The following CTNNA2 variants were observed in gnomAD, a reference collection of about 807,000 sequenced individuals.
CTNNA2 encodes catenin alpha-2.
CTNNA2 carries 42 observed loss-of-function variants against 101.0 expected under a neutral mutation model. The ratio of observed to expected loss-of-function variants is 0.42; its 90% CI spans 0.32 to 0.54. The LOEUF is 0.54. CTNNA2 is among the 20% of genes least tolerant of loss of function. The pLI is 0.14. For missense variants in CTNNA2, 871 were observed against 1,223.1 expected (o/e 0.71, Z 4.29); for synonymous variants, 450 against 456.4 (o/e 0.99, Z 0.18).
chr2:80,615,720 A>G (rs555436070), intron 17 of CTNNA2, among the ~76,000 whole-genome samples: 5 of 151,652 alleles, frequency 3.3e-5, no homozygotes, highest in Non-Finnish European at 5.9e-5. Context: ...TTATTTTGTC[A>G]AGTGCTTTTT....
chr2:80,574,552 T>G (rs1573325625), intron 13 of CTNNA2, among the ~76,000 whole-genome samples: 1 of 152,310 alleles, frequency 6.6e-6, no homozygotes, highest in African/African-American at 2.4e-5. Context: ...TTGCATGCAT[T>G]ACTTCCTCAG....
Position 80,167,111 on chromosome 2 carries a change from G to A in CTNNA2, c.1057-226100G>A, listed in dbSNP as rs35409179. 4.0e-5 allele frequency among the ~76,000 whole-genome samples: 6 copies of A among 151,526 alleles called. No individual in the cohort carries two copies. The South Asian group carries it at 1.0e-3, about 26-fold the overall frequency. ...TTAGCAGGAGGAATAGGAAAAAAAAGTATATATATATATTAGTAATTGCCA... is the reference window on the plus strand; with the variant it reads ...TTAGCAGGAGGAATAGGAAAAAAAAATATATATATATATTAGTAATTGCCA... On this transcript the variant is annotated intron_variant, in intron 7 of 18. Coordinates refer to ENST00000402739, the MANE Select transcript of CTNNA2 (RefSeq NM_001282597.3).
At chr2:79,412,076 A>G in intron 4 of CTNNA2, among the ~76,000 whole-genome samples, 1 of 152,098 alleles carries the variant, frequency 6.6e-6, no homozygotes, top group Non-Finnish European at 1.5e-5. Context: ...GAAAACAAAA[A>G]AAGGCAGGGG....
intron 1 of CTNNA2, among the ~76,000 whole-genome samples, chr2:79,603,121 A>G (rs1008511939): frequency 1.3e-5 from 2 of 152,160 alleles, no homozygotes; most frequent in African/African-American, 2.4e-5. Context: ...GAACCCACAT[A>G]TAAATGAGTG....
At chr2:79,881,905 T>C (rs1229847034) in intron 6 of CTNNA2, among the ~76,000 whole-genome samples, 1 of 149,582 alleles carries the variant, frequency 6.7e-6, no homozygotes, top group Non-Finnish European at 1.5e-5. Flanking sequence ...ATAGAGTCGT[T>C]GGCCTTTATA....
intron 4 of CTNNA2, among the ~76,000 whole-genome samples, chr2:79,396,987 G>T (rs1364151501): frequency 6.6e-6 from 1 of 152,020 alleles, no homozygotes; most frequent in Non-Finnish European, 1.5e-5. Flanking sequence ...GGATTTCTGG[G>T]ACTCACTCCC....
At chr2:79,713,876 G>C (rs1218121466) in intron 2 of CTNNA2, among the ~76,000 whole-genome samples, 2 of 152,130 alleles carry the variant, frequency 1.3e-5, no homozygotes, top group Non-Finnish European at 2.9e-5. Context: ...AAGCACCCAA[G>C]AATTTAAATT....
intron 3 of CTNNA2, among the ~76,000 whole-genome samples, chr2:79,805,910 C>T (rs568535170): frequency 6.6e-6 from 1 of 151,320 alleles, no homozygotes; most frequent in Non-Finnish European, 1.5e-5. Flanking sequence ...TGCACTTCGG[C>T]CTGGGCGACA....
At chr2:80,589,586 C>A in intron 15 of CTNNA2, 101 bp downstream of exon 15, 1 of 1,095,436 alleles carries the variant, frequency 9.1e-7, no homozygotes, top group Non-Finnish European at 1.3e-6. Flanking sequence ...TAAAATATAC[C>A]AACGCAAGGT....
At chr2:79,668,036 C>T (rs1430816277) in intron 2 of CTNNA2, among the ~76,000 whole-genome samples, 1 of 149,510 alleles carries the variant, frequency 6.7e-6, no homozygotes, top group Non-Finnish European at 1.5e-5. Context: ...GTCAGGAGAT[C>T]GAGACCATCC....
At chr2:80,152,111 A>C (rs534641399) in intron 7 of CTNNA2, among the ~76,000 whole-genome samples, 1 of 152,322 alleles carries the variant, frequency 6.6e-6, no homozygotes, top group South Asian at 2.1e-4. Flanking sequence ...GTGATTGGTA[A>C]AGTTAACTGG....
At chr2:79,818,343 C>T (rs952870231) in intron 3 of CTNNA2, among the ~76,000 whole-genome samples, 5 of 151,904 alleles carry the variant, frequency 3.3e-5, no homozygotes, top group African/African-American at 7.3e-5. Context: ...GACGGAGTTT[C>T]GCTCTTTTAC....
chr2:79,731,641 C>A (rs1267476874), intron 2 of CTNNA2, among the ~76,000 whole-genome samples: 1 of 151,938 alleles, frequency 6.6e-6, no homozygotes, highest in Non-Finnish European at 1.5e-5. Context: ...ATAGAAAATT[C>A]ATTGCTAGTG....
At chr2:80,174,888 G>A (rs1322231240) in intron 7 of CTNNA2, among the ~76,000 whole-genome samples, 2 of 152,054 alleles carry the variant, frequency 1.3e-5, no homozygotes, top group Non-Finnish European at 2.9e-5. Context: ...CCACCATACA[G>A]CCTCCCAACT....
At chr2:79,743,672 T>G (rs1376769023) in intron 2 of CTNNA2, among the ~76,000 whole-genome samples, 1 of 152,020 alleles carries the variant, frequency 6.6e-6, no homozygotes, top group African/African-American at 2.4e-5. Context: ...TAGCTGCGAT[T>G]GTAGGCACCT....
rs1553421106 is a variant in CTNNA2, at chr2:79,982,340, A to ATATAACC, written c.1056+72547_1056+72548insACCTATA. On this transcript the variant is annotated intron_variant, in intron 7 of 18. Transcript: ENST00000402739. The stretch of plus-strand genomic sequence containing the variant: ...AACATATATAACACACATATAAAAC[A>ATATAACC]TATATAACCTATATAACCTATATAA... Among the ~76,000 whole-genome samples, 878 of 102,014 alleles carry ATATAACC rather than the reference A, an allele frequency of 8.6e-3. 23 individuals are homozygous for ATATAACC. Among genetic ancestry groups the ATATAACC allele is most frequent in the African/African-American group, 0.028 (808 of 29,046 alleles). The allele number at this position is 102,014 out of a possible 152,430, so 66.9% of individuals were successfully genotyped here. A position where few individuals can be genotyped will look rare whatever the true frequency, so the allele number is the denominator to read the frequency against.
chr2:79,966,811 T>G (rs1690097282), intron 7 of CTNNA2, among the ~76,000 whole-genome samples: 1 of 152,194 alleles, frequency 6.6e-6, no homozygotes, highest in African/African-American at 2.4e-5. Context: ...ATTGCAACTT[T>G]TTTTATTCTA....
At position 79,894,032 on chromosome 2, in the gene CTNNA2, CTT is replaced by C. The variant is rs879601963; in HGVS notation, c.853-15561_853-15560del. Among the ~76,000 whole-genome samples the C allele has an allele frequency of 1.7e-3, 254 of 145,940 alleles. 3 individuals are homozygous for C. The highest frequency in any genetic ancestry group is 9.0e-3 in the South Asian group (40 of 4,432). ...TCTTCTTCTTCTTCTTCTTCTTCTT[CTT>C]CTTCTTCTTCTTCTTCTTCTTCTTC... On this transcript the variant is annotated intron_variant, in intron 6 of 18. Transcript: ENST00000402739.
intron 7 of CTNNA2, among the ~76,000 whole-genome samples, chr2:80,186,597 T>A (rs1706144627): frequency 6.6e-6 from 1 of 152,232 alleles, no homozygotes; most frequent in South Asian, 2.1e-4. Context: ...TTTAGCCTGA[T>A]AATTATTCTT....
Sources: allele counts gnomAD v4.1 joint callset (sites outside exome capture counted in the v4.1 genomes callset), GRCh38; gene constraint gnomAD v4.1.1; transcripts MANE v1.5; gene names NCBI Gene and HGNC (gene_info 2026-07-23, HGNC 2026-07-21).